Variants in INPP5F observed in about 807,000 individuals in gnomAD.
INPP5F encodes inositol polyphosphate-5-phosphatase F, also known as phosphatidylinositide 4-phosphatase SAC2.
In INPP5F, 97 loss-of-function variants were observed where a neutral mutation model predicts 137.2. The observed-to-expected ratio is 0.71, with a 90% CI of 0.60 to 0.84. The LOEUF (loss-of-function observed/expected upper bound fraction) is 0.84. Among genes scored for constraint, INPP5F ranks in the 40% least tolerant of loss-of-function variants. The pLI is 0.00. For missense variants in INPP5F, 1,271 were observed against 1,371.9 expected (o/e 0.93, Z 1.16); for synonymous variants, 504 against 476.9 (o/e 1.06, Z -0.74).
At chr10:119,791,827 T>G in intron 4 of INPP5F, 42 bp from the exon 5 acceptor site, 1 of 1,498,432 alleles carries the variant, frequency 6.7e-7, no homozygotes, top group Non-Finnish European at 9.1e-7. Context: ...CAGACTACTT[T>G]ACATTTAATT....
chr10:119,767,526 A>G (rs558268608), intron 2 of INPP5F, among the ~76,000 whole-genome samples: 1 of 152,346 alleles, frequency 6.6e-6, no homozygotes, highest in South Asian at 2.1e-4. Context: ...GTATGTATGG[A>G]ACAAATGGGA....
At chr10:119,742,867 C>G (rs962939031) in intron 1 of INPP5F, among the ~76,000 whole-genome samples, 1 of 152,154 alleles carries the variant, frequency 6.6e-6, no homozygotes, top group Non-Finnish European at 1.5e-5. Context: ...TGGCACAGGC[C>G]TGTTATCCCA....
At chr10:119,776,416 G>A (rs955301557) in intron 2 of INPP5F, among the ~76,000 whole-genome samples, 1 of 151,880 alleles carries the variant, frequency 6.6e-6, no homozygotes, top group African/African-American at 2.4e-5. Flanking sequence ...ATGTTTTTGT[G>A]GGAAAAAAGA....
chr10:119,805,567 TC>T, intron 11 of INPP5F, 106 bp downstream of exon 11: 1 of 769,430 alleles, frequency 1.3e-6, no homozygotes, highest in Non-Finnish European at 2.2e-6. Flanking sequence ...TTTTTTTTGT[TC>T]GTTTTGCTTC....
At chr10:119,803,491 C>T (rs1173178981) in intron 9 of INPP5F, among the ~76,000 whole-genome samples, 1 of 152,216 alleles carries the variant, frequency 6.6e-6, no homozygotes, top group Admixed American at 6.5e-5. Flanking sequence ...TGTTGAGTCA[C>T]TTAGCTATTT....
At chr10:119,753,687 T>C (rs766185694) in intron 2 of INPP5F, among the ~76,000 whole-genome samples, 6 of 152,172 alleles carry the variant, frequency 3.9e-5, no homozygotes, top group Non-Finnish European at 8.8e-5. Flanking sequence ...ATGTCTTAAG[T>C]TGTTACACAA....
Position 119,791,509 on chromosome 10 carries a change from C to A in INPP5F, c.316-8C>A. On this transcript the variant is annotated splice_polypyrimidine_tract_variant and splice_region_variant and intron_variant, in intron 3 of 19. Coordinates refer to ENST00000650623, the MANE Select transcript of INPP5F (RefSeq NM_014937.4). Reference sequence around the variant, plus strand: ...GTAATAACAAATCATCTTTCTCTTCCTATTTAGCTCTGTAAGAAGCATCAT... The same window carrying A: ...GTAATAACAAATCATCTTTCTCTTCATATTTAGCTCTGTAAGAAGCATCAT... The A allele has an allele frequency of 6.3e-7, 1 of 1,585,916 alleles. No homozygotes were observed. Among genetic ancestry groups the A allele is most frequent in the Non-Finnish European group, 8.6e-7 (1 of 1,162,846 alleles).
intron 19 of INPP5F, 42 bp downstream of exon 19, chr10:119,823,944 C>T: frequency 7.0e-7 from 1 of 1,422,840 alleles, no homozygotes; most frequent in Non-Finnish European, 9.9e-7. Flanking sequence ...CATTCTTATC[C>T]AAGGTCTTAT....
At chr10:119,726,788 G>A (rs1309565461) in intron 1 of INPP5F, among the ~76,000 whole-genome samples, 1 of 152,236 alleles carries the variant, frequency 6.6e-6, no homozygotes. Flanking sequence ...CGCCAGTTCC[G>A]TCTAGGGCTC....
At chr10:119,740,910 T>C (rs1245320049) in intron 1 of INPP5F, among the ~76,000 whole-genome samples, 1 of 152,232 alleles carries the variant, frequency 6.6e-6, no homozygotes, top group African/African-American at 2.4e-5. Flanking sequence ...GGTAGGAGCC[T>C]GGAGTTTTAA....
At chr10:119,760,991 A>T (rs538557063) in intron 2 of INPP5F, among the ~76,000 whole-genome samples, 1 of 152,334 alleles carries the variant, frequency 6.6e-6, no homozygotes, top group South Asian at 2.1e-4. Context: ...ATTTTTATAT[A>T]GAAAATCATT....
intron 9 of INPP5F, among the ~76,000 whole-genome samples, chr10:119,800,052 A>G (rs1209180803): frequency 6.6e-6 from 1 of 151,652 alleles, no homozygotes; most frequent in African/African-American, 2.4e-5. Flanking sequence ...ATATTAAAAT[A>G]CTGTTGTAAA....
chr10:119,813,330 C>A (rs776814721), intron 15 of INPP5F, among the ~76,000 whole-genome samples: 1 of 152,124 alleles, frequency 6.6e-6, no homozygotes, highest in Non-Finnish European at 1.5e-5. Context: ...TAAAAACATA[C>A]TTATTTCTGG....
intron 1 of INPP5F, among the ~76,000 whole-genome samples, chr10:119,731,152 GTTC>G (rs1001613796): frequency 2.0e-5 from 3 of 151,856 alleles, no homozygotes; most frequent in African/African-American, 4.8e-5. Context: ...AATTTTTTCT[GTTC>G]TTCTTAGAGT....
At chr10:119,767,771 G>A (rs1004894544) in intron 2 of INPP5F, among the ~76,000 whole-genome samples, 4 of 152,026 alleles carry the variant, frequency 2.6e-5, no homozygotes, top group African/African-American at 4.8e-5. Flanking sequence ...TAATATCAAA[G>A]TAGACTTTAA....
chr10:119,791,367 T>G, intron 3 of INPP5F, 150 bp from the exon 4 acceptor site: 1 of 667,718 alleles, frequency 1.5e-6, no homozygotes. Context: ...CTCATAGTTG[T>G]GCTTGCCATC....
Position 119,799,063 on chromosome 10 carries a change from C to A in INPP5F, c.1116+453C>A, listed in dbSNP as rs117592506. On this transcript the variant is annotated intron_variant, in intron 9 of 19. Transcript: ENST00000650623. ...TCAGTACCACCTACAGTTCAACCTC[C>A]TGGAGATAACTTGTTATGTATTTTT... Among the ~76,000 whole-genome samples the A allele has an allele frequency of 2.0e-3, 308 of 152,256 alleles. 3 individuals are homozygous for A. The highest frequency in any genetic ancestry group is 0.011 in the East Asian group (58 of 5,184).
chr10:119,798,786 CTTTTTTTTTTT>C (rs374141329), intron 9 of INPP5F, among the ~76,000 whole-genome samples, 176 bp downstream of exon 9: 10 of 100,692 alleles, frequency 9.9e-5, no homozygotes, highest in Admixed American at 3.4e-4. Context: ...GAGTCAGCTA[CTTTTTTTTTTT>C]TTTTTTTTTT....
Position 119,805,428 on chromosome 10 carries a change from TTTATGACA to T in INPP5F, c.1291_1298del (p.Asp431SerfsTer2). The T allele has an allele frequency of 6.2e-7, 1 of 1,612,968 alleles. No individual in the cohort carries two copies. Among genetic ancestry groups the T allele is most frequent in the Non-Finnish European group, 8.5e-7 (1 of 1,179,062 alleles). ...AATGTTCAGACACTAACAGATGCCA[TTTATGACA>T]TTATTCTTGATATGAAGTGGTGTTG... is the stretch of plus-strand genomic sequence containing the variant. On this transcript the variant is annotated frameshift_variant, in exon 11 of 20. Coordinates refer to ENST00000650623, the MANE Select transcript of INPP5F (RefSeq NM_014937.4). LOFTEE classifies it high-confidence loss of function.
Sources: gnomAD v4.1 joint callset for allele counts (sites outside exome capture counted in the v4.1 genomes callset) on GRCh38, gnomAD v4.1.1 for gene constraint, MANE v1.5 for transcripts, NCBI Gene and HGNC (gene_info 2026-07-23, HGNC 2026-07-21) for gene names.